The following ATP2A2 variants were observed in gnomAD, a reference collection of about 807,000 sequenced individuals.
ATP2A2 encodes ATPase sarcoplasmic/endoplasmic reticulum Ca2+ transporting 2.
ATP2A2 carries 14 observed loss-of-function variants against 109.3 expected under a neutral mutation model. That is an observed-to-expected ratio of 0.13 (90% CI 0.08 to 0.20). ATP2A2 has a LOEUF of 0.20. Ranked by LOEUF, ATP2A2 falls within the 10% of genes least tolerant of loss-of-function variation. The pLI, the probability that ATP2A2 is intolerant of heterozygous loss-of-function variation, is 1.00. For synonymous variants in ATP2A2, 506 were observed against 490.9 expected (o/e 1.03, Z -0.41); for missense variants, 657 against 1,321.6 (o/e 0.50, Z 7.80).
rs761676527 is a variant in ATP2A2 at position 110,340,738 on chromosome 12, G to A, written c.1841G>A (p.Arg614Gln). 50 of 1,613,956 alleles carry A rather than the reference G, an allele frequency of 3.1e-5. No homozygotes were observed. Among genetic ancestry groups the A allele is most frequent in the East Asian group, 4.5e-5 (2 of 44,886 alleles). Residue 614 changes from arginine (R) to glutamine (Q), a missense_variant, in exon 14 of 20, where the codon CGG becomes CAG. Physicochemically the swap from Arg to Gln is conservative, Grantham distance 43 (BLOSUM62 1). Coordinates refer to ENST00000539276, the MANE Select transcript of ATP2A2 (RefSeq NM_170665.4). The surrounding 1 kb of genome is among the most constrained non-coding windows in gnomAD (Gnocchi z 6.0). ...GTGGCCTCCTCCGTGAAGCTGTGCC[G>A]GCAAGCAGGCATCCGGGTCATCATG... is the stretch of plus-strand genomic sequence containing the variant. ...IEVASSVKLC[R>Q]QAGIRVIMIT...
At chr12:110,343,086 A>T (rs1879507809) in intron 15 of ATP2A2, 146 bp from the exon 16 acceptor site, 3 of 879,688 alleles carry the variant, frequency 3.4e-6, no homozygotes, top group Admixed American at 2.1e-5. Context: ...TTGAGCTTTA[A>T]TTCAAAATTG....
intron 3 of ATP2A2, among the ~76,000 whole-genome samples, chr12:110,291,074 A>G (rs1873224913): frequency 6.6e-6 from 1 of 151,760 alleles, no homozygotes; most frequent in South Asian, 2.1e-4. Context: ...ACACACTGCT[A>G]ATTTTGTAAT....
At position 110,345,995 on chromosome 12, in the gene ATP2A2, C is replaced by T. The variant is rs201579013; in HGVS notation, c.2742-6C>T. 7.9e-5 allele frequency: 127 copies of T among 1,614,126 alleles called. 3 individuals carry two copies. Among genetic ancestry groups the T allele is most frequent in the South Asian group, 7.4e-4 (67 of 91,080 alleles). The stretch of plus-strand genomic sequence containing the variant: ...GTGCGTTTCCCCACCTCTCCTTGCT[C>T]TGCAGCTTGTCCGAAAACCAGTCCT... On this transcript the variant is annotated splice_polypyrimidine_tract_variant and splice_region_variant and intron_variant, in intron 18 of 19. Coordinates refer to ENST00000539276, the MANE Select transcript of ATP2A2 (RefSeq NM_170665.4).
At chr12:110,285,264 G>A (rs1018274956) in intron 3 of ATP2A2, among the ~76,000 whole-genome samples, 4 of 151,982 alleles carry the variant, frequency 2.6e-5, no homozygotes, top group Admixed American at 2.6e-4. Flanking sequence ...TTTTTGAAAC[G>A]GTCACTTGGA....
chr12:110,317,771 G>A (rs1876824506), intron 5 of ATP2A2, among the ~76,000 whole-genome samples: 1 of 152,220 alleles, frequency 6.6e-6, no homozygotes. Flanking sequence ...TTTGCATGGA[G>A]TTCTAAAACG....
intron 5 of ATP2A2, among the ~76,000 whole-genome samples, chr12:110,298,853 A>C (rs144777364): frequency 6.6e-6 from 1 of 152,350 alleles, no homozygotes; most frequent in African/African-American, 2.4e-5. Context: ...TTAACTCCTA[A>C]ATAACATTTG....
Position 110,342,454 on chromosome 12 carries a change from T to G in ATP2A2, c.2318+6T>G. On this transcript the variant is annotated splice_donor_region_variant and intron_variant, in intron 15 of 19. Coordinates refer to ENST00000539276, the MANE Select transcript of ATP2A2 (RefSeq NM_170665.4). This position sits in a 1 kb window ranked among gnomAD's most constrained non-coding sequence, Gnocchi z 4.6. ...AACGTCGGGGAAGTTGTCTGGTAGG[T>G]CTCTGTGACAGCATCACTTACTGTA... 1.2e-6 allele frequency: 2 copies of G among 1,612,622 alleles called. No homozygotes were observed. Among genetic ancestry groups the G allele is most frequent in the Non-Finnish European group, 1.7e-6 (2 of 1,179,520 alleles).
At chr12:110,305,057 C>T (rs985492106) in intron 5 of ATP2A2, among the ~76,000 whole-genome samples, 2 of 151,958 alleles carry the variant, frequency 1.3e-5, no homozygotes, top group African/African-American at 4.8e-5. Flanking sequence ...CCTCAGTCTC[C>T]CGAGTAGCTG....
chr12:110,297,626 T>C (rs1379816127), intron 5 of ATP2A2, among the ~76,000 whole-genome samples: 1 of 151,788 alleles, frequency 6.6e-6, no homozygotes, highest in Non-Finnish European at 1.5e-5. Context: ...TTTGTTTTGT[T>C]TTGTTTTTTG....
chr12:110,311,473 G>A (rs1305648156), intron 5 of ATP2A2, among the ~76,000 whole-genome samples: 8 of 151,716 alleles, frequency 5.3e-5, no homozygotes, highest in Admixed American at 2.0e-4. Flanking sequence ...CCCGTAACCC[G>A]TAATCCCAGC....
chr12:110,306,229 CAGG>C (rs1251636481), intron 5 of ATP2A2, among the ~76,000 whole-genome samples: 1 of 152,176 alleles, frequency 6.6e-6, no homozygotes, highest in East Asian at 1.9e-4. Context: ...TTAGTAGAGA[CAGG>C]GTTTCACCAT....
intron 17 of ATP2A2, 30 bp downstream of exon 17, chr12:110,345,001 A>G: frequency 1.2e-6 from 2 of 1,608,316 alleles, no homozygotes; most frequent in African/African-American, 1.3e-5. Flanking sequence ...TCTGTACCTT[A>G]CATGAGAAGT....
At chr12:110,317,539 G>A (rs1457745128) in intron 5 of ATP2A2, among the ~76,000 whole-genome samples, 4 of 151,894 alleles carry the variant, frequency 2.6e-5, no homozygotes, top group African/African-American at 4.8e-5. Flanking sequence ...CACCATGCCG[G>A]GCTAATTTTT....
rs1257265080 is a variant in ATP2A2 at position 110,347,043 on chromosome 12, C to G, written c.*573C>G. On this transcript the variant is annotated 3_prime_UTR_variant, in exon 20 of 20. Transcript: ENST00000539276. ...CACCCCACCCCACCCCACCTCTCCC[C>G]ACCTTACCCCCGCCCCGCTTGGCTT... 10 of 1,078,542 alleles carry G rather than the reference C, an allele frequency of 9.3e-6. No homozygotes were observed. Among genetic ancestry groups the G allele is most frequent in the Admixed American group, 4.9e-5 (1 of 20,398 alleles). The allele number at this position is 1,078,542 out of a possible 1,614,324, so 66.8% of individuals were successfully genotyped here.
chr12:110,287,079 C>A (rs1251578320), intron 3 of ATP2A2, among the ~76,000 whole-genome samples: 11 of 152,004 alleles, frequency 7.2e-5, no homozygotes, highest in African/African-American at 2.4e-4. Context: ...ATGGTGAAAC[C>A]CCACCTGTAC....
intron 6 of ATP2A2, among the ~76,000 whole-genome samples, chr12:110,325,358 G>A (rs978368633): frequency 2.0e-5 from 3 of 152,004 alleles, no homozygotes; most frequent in African/African-American, 7.2e-5. Flanking sequence ...AATCAGCTGG[G>A]CATGGTGTCT....
intron 6 of ATP2A2, among the ~76,000 whole-genome samples, chr12:110,323,639 G>A (rs906840009): frequency 2.0e-5 from 3 of 152,100 alleles, no homozygotes; most frequent in South Asian, 2.1e-4. Context: ...GCAAAACCCC[G>A]TATCTACAAA....
At chr12:110,320,854 CAAATT>C (rs1056698848) in intron 5 of ATP2A2, among the ~76,000 whole-genome samples, 6 of 152,268 alleles carry the variant, frequency 3.9e-5, no homozygotes, top group African/African-American at 1.4e-4. Context: ...TTTATGCACT[CAAATT>C]AAAAAAGTAA....
chr12:110,294,072 C>CT (rs1873690457), intron 4 of ATP2A2, among the ~76,000 whole-genome samples: 1 of 150,904 alleles, frequency 6.6e-6, no homozygotes, highest in Non-Finnish European at 1.5e-5. Flanking sequence ...GAGACAGAGT[C>CT]TCACTCTGTC....
Sources: gnomAD v4.1 joint callset for allele counts (sites outside exome capture counted in the v4.1 genomes callset) on GRCh38, gnomAD v4.1.1 for gene constraint, Gnocchi (gnomAD v3.1) non-coding constraint, MANE v1.5 for transcripts, NCBI Gene and HGNC (gene_info 2026-07-23, HGNC 2026-07-21) for gene names.